TMED3: variants seen among roughly 807,000 people sequenced by gnomAD.
TMED3 encodes the protein transmembrane emp24 domain-containing protein 3.
Under a neutral mutation model 15.0 loss-of-function variants are expected in TMED3, and 9 were observed. The ratio of observed to expected loss-of-function variants is 0.60; its 90% CI spans 0.36 to 1.04. The LOEUF (loss-of-function observed/expected upper bound fraction) is 1.04. Ranked by LOEUF, TMED3 falls within the 50% of genes least tolerant of loss-of-function variation. The pLI is 0.01. For synonymous variants in TMED3, 117 were observed against 121.4 expected, an observed-to-expected ratio of 0.96 and a Z score of 0.24; for missense variants, 267 against 278.9, an observed-to-expected ratio of 0.96 and a Z score of 0.30.
chr15:79,353,404 AT>A (rs1366889447), intron 2 of TMED3, among the ~76,000 whole-genome samples: 35 of 129,240 alleles, frequency 2.7e-4, no homozygotes, highest in African/African-American at 9.2e-4. Flanking sequence ...CTTTCAAAAA[AT>A]ATATATATAT....
intron 2 of TMED3, 92 bp downstream of exon 2, chr15:79,314,097 C>A: frequency 6.6e-7 from 1 of 1,506,946 alleles, no homozygotes; most frequent in Non-Finnish European, 8.9e-7. Flanking sequence ...GAGTCATCAT[C>A]CATCCAGCTC....
chr15:79,355,342 G>A (rs542678453), intron 2 of TMED3, among the ~76,000 whole-genome samples: 2 of 152,258 alleles, frequency 1.3e-5, no homozygotes, highest in East Asian at 3.9e-4. Context: ...TGGTGGGAGT[G>A]CCCAGCACAG....
chr15:79,390,680 A>C (rs766030185), intron 2 of TMED3, among the ~76,000 whole-genome samples: 1 of 151,850 alleles, frequency 6.6e-6, no homozygotes, highest in Non-Finnish European at 1.5e-5. Context: ...TCTTCTTTGA[A>C]TGTCTGGTAG....
At chr15:79,384,446 G>A (rs887360548) in intron 2 of TMED3, 3 of 151,190 alleles carry the variant, frequency 2.0e-5, no homozygotes, top group African/African-American at 7.3e-5. Context: ...ATGCAGCTGG[G>A]GGAGTCTATT....
chr15:79,313,127 C>G (rs983465738), intron 1 of TMED3, among the ~76,000 whole-genome samples: 10 of 152,240 alleles, frequency 6.6e-5, no homozygotes, highest in African/African-American at 2.4e-4. Context: ...AGTAACTTGT[C>G]TAGGGTCACA....
At chr15:79,380,418 ATATATAGTTATATATATAGT>A (rs1272691784) in intron 2 of TMED3, among the ~76,000 whole-genome samples, 2 of 142,222 alleles carry the variant, frequency 1.4e-5, no homozygotes, top group African/African-American at 5.6e-5. Context: ...ATATATAGTT[ATATATAGTTATATATATAGT>A]TATATATAGT....
intron 2 of TMED3, among the ~76,000 whole-genome samples, chr15:79,367,491 T>G (rs1351141759): frequency 2.6e-5 from 4 of 152,206 alleles, no homozygotes; most frequent in Admixed American, 2.6e-4. Flanking sequence ...AAACACCTAA[T>G]GCAAGCCCAA....
intron 2 of TMED3, among the ~76,000 whole-genome samples, chr15:79,366,893 G>T (rs560404325): frequency 7.1e-6 from 1 of 141,296 alleles, no homozygotes; most frequent in African/African-American, 2.7e-5. Context: ...TGCACTTTAA[G>T]GTGCATTTTT....
downstream of TMED3, among the ~76,000 whole-genome samples, chr15:79,326,220 A>G (rs951991809): frequency 6.6e-6 from 1 of 152,276 alleles, no homozygotes; most frequent in African/African-American, 2.4e-5. Flanking sequence ...GAACCAGGCT[A>G]GAATCAGTAA....
chr15:79,371,263 T>C (rs192809469), intron 2 of TMED3, among the ~76,000 whole-genome samples: 42 of 152,348 alleles, frequency 2.8e-4, no homozygotes, highest in African/African-American at 1.0e-3. Context: ...ATGAGTTTTA[T>C]ATCTAAATCT....
At chr15:79,341,707 A>G (rs1404406797) in intron 2 of TMED3, among the ~76,000 whole-genome samples, 1 of 152,214 alleles carries the variant, frequency 6.6e-6, no homozygotes, top group African/African-American at 2.4e-5. Flanking sequence ...GCTCATCCCC[A>G]AGCAGGAAGA....
chr15:79,375,473 G>A (rs762170025), intron 2 of TMED3, among the ~76,000 whole-genome samples: 62 of 152,102 alleles, frequency 4.1e-4, no homozygotes, highest in Non-Finnish European at 7.9e-4. Flanking sequence ...AAATACCTGA[G>A]TCTGAGTAAT....
chr15:79,370,090 A>G (rs1893308150), intron 2 of TMED3, among the ~76,000 whole-genome samples: 1 of 151,746 alleles, frequency 6.6e-6, no homozygotes, highest in Non-Finnish European at 1.5e-5. Context: ...GTAAAAGGCT[A>G]TATGTGCATT....
chr15:79,350,167 C>T (rs537622802), intron 2 of TMED3, among the ~76,000 whole-genome samples: 4 of 152,026 alleles, frequency 2.6e-5, no homozygotes, highest in African/African-American at 9.6e-5. Flanking sequence ...GATGGCTGTG[C>T]GGATGGATAG....
chr15:79,335,386 C>T (rs28682366), intron 2 of TMED3, among the ~76,000 whole-genome samples: 38,215 of 151,992 alleles, frequency 0.25, 5,093 homozygotes, highest in East Asian at 0.5. Flanking sequence ...TCATGTGACC[C>T]CAAACTATTT....
intron 2 of TMED3, among the ~76,000 whole-genome samples, chr15:79,404,440 T>C (rs1893874215): frequency 6.6e-6 from 1 of 152,202 alleles, no homozygotes; most frequent in Admixed American, 6.5e-5. Context: ...CTGTAGCCTC[T>C]CCATTCATGG....
intron 2 of TMED3, among the ~76,000 whole-genome samples, chr15:79,393,797 G>A (rs1893727320): frequency 6.6e-6 from 1 of 152,158 alleles, no homozygotes; most frequent in Non-Finnish European, 1.5e-5. Context: ...CCGGGCTCAA[G>A]CCATACTCCC....
At chr15:79,407,257 G>C (rs1893914267) in intron 2 of TMED3, among the ~76,000 whole-genome samples, 1 of 152,186 alleles carries the variant, frequency 6.6e-6, no homozygotes, top group Non-Finnish European at 1.5e-5. Flanking sequence ...GAGTTTAGCA[G>C]GATATTAAAC....
intron 2 of TMED3, among the ~76,000 whole-genome samples, chr15:79,362,229 G>C (rs1893143147): frequency 6.6e-6 from 1 of 151,840 alleles, no homozygotes; most frequent in African/African-American, 2.4e-5. Context: ...ACTTTGGGAG[G>C]CCAAGGAGGG....
Sources: gnomAD v4.1 joint callset for allele counts (sites outside exome capture counted in the v4.1 genomes callset) on GRCh38, gnomAD v4.1.1 for gene constraint, MANE v1.5 for transcripts, NCBI Gene and HGNC (gene_info 2026-07-23, HGNC 2026-07-21) for gene names.